EPRS1: variants seen among roughly 807,000 people sequenced by gnomAD.
EPRS1 encodes the protein bifunctional glutamate/proline--tRNA ligase.
Under a neutral mutation model 188.3 loss-of-function variants are expected in EPRS1, and 107 were observed. The observed-to-expected ratio is 0.57, with a 90% CI of 0.49 to 0.67. The LOEUF (loss-of-function observed/expected upper bound fraction) is 0.67, where lower values mean the gene tolerates loss of function less well. Ranked by LOEUF, EPRS1 falls within the 30% of genes least tolerant of loss-of-function variation. EPRS1 has a pLI of 0.00. For synonymous variants in EPRS1, 596 were observed against 593.1 expected, an observed-to-expected ratio of 1.00 and a Z score of -0.07; for missense variants, 1,577 against 1,802.2, an observed-to-expected ratio of 0.88 and a Z score of 2.26.
chr1:219,981,224 T>C (rs907671394), intron 24 of EPRS1, among the ~76,000 whole-genome samples, 154 bp downstream of exon 24: 1 of 151,834 alleles, frequency 6.6e-6, no homozygotes, highest in Non-Finnish European at 1.5e-5. Flanking sequence ...TACCATTTTA[T>C]ATAATAAGTA....
intron 28 of EPRS1, among the ~76,000 whole-genome samples, chr1:219,975,294 A>G (rs940689598): frequency 4.6e-5 from 7 of 152,204 alleles, no homozygotes; most frequent in Non-Finnish European, 1.0e-4. Context: ...GGCAATGGCA[A>G]CGAGAGATTG....
chr1:219,997,498 T>C (rs985531943), intron 17 of EPRS1, among the ~76,000 whole-genome samples, 156 bp from the exon 18 acceptor site: 4 of 152,194 alleles, frequency 2.6e-5, no homozygotes, highest in African/African-American at 9.7e-5. Context: ...ATCTCCTAAG[T>C]ATTTATCCTA....
rs1660868978 is a variant in EPRS1, at chr1:219,980,206, T to C, written c.3590A>G (p.Tyr1197Cys). ...AACAGGAATTGCCAGGAGTTCTTCA[T>C]ATACCTGAGCATATAAGTCAAGTAT... ...LQILDLYAQVYEELLAIPVVK... is the reference protein window; with the variant it reads ...LQILDLYAQVCEELLAIPVVK... Residue 1197 changes from tyrosine (Y) to cysteine (C), a missense_variant, in exon 26 of 32, where the codon TAT (tyrosine) becomes TGT (cysteine). This residue lies in a region of EPRS1 where 1,278 missense variants were observed against 1,457.4 expected (regional missense o/e 0.88). Coordinates refer to ENST00000366923, the MANE Select transcript of EPRS1 (RefSeq NM_004446.3). 3 of 1,613,372 alleles carry C rather than the reference T, an allele frequency of 1.9e-6. No homozygotes were observed. The highest frequency in any genetic ancestry group is 1.1e-5 in the South Asian group (1 of 91,056).
At chr1:219,979,390 G>A (rs754063391) in intron 27 of EPRS1, 28 bp downstream of exon 27, 8 of 1,508,336 alleles carry the variant, frequency 5.3e-6, no homozygotes, top group Middle Eastern at 1.7e-4. Flanking sequence ...TTTATAAAAT[G>A]AGTGATAAAC....
At position 219,979,573 on chromosome 1, in the gene EPRS1, A is replaced by G; in HGVS notation, c.3754T>C (p.Phe1252Leu). The G allele has an allele frequency of 6.2e-7, 1 of 1,614,034 alleles. No homozygotes were observed. The highest frequency in any genetic ancestry group is 8.5e-7 in the Non-Finnish European group (1 of 1,179,930). Residue 1252 changes from phenylalanine to leucine, a missense_variant, in exon 27 of 32, where the codon TTT (phenylalanine) becomes CTT (leucine). Around this residue, in one of 3 missense-constraint regions of EPRS1, gnomAD observed 296 missense variants for 327.9 expected, o/e 0.90. Coordinates refer to ENST00000366923, the MANE Select transcript of EPRS1 (RefSeq NM_004446.3). Reference sequence around the variant, plus strand: ...TTTGGATCTTCAAAAACGATTTCAAACATTTTGGAAAAATTCTGCCCTAAA... The same window carrying G: ...TTTGGATCTTCAAAAACGATTTCAAGCATTTTGGAAAAATTCTGCCCTAAA... ...HHLGQNFSKM[F>L]EIVFEDPKIP... is the part of the protein sequence containing the mutation.
rs71560597 is a variant in EPRS1, at chr1:220,044,681, C to CAAAAAAAAAAAAAA, written c.46+1648_46+1661dup. On this transcript the variant is annotated intron_variant, in intron 1 of 31. Coordinates refer to ENST00000366923, the MANE Select transcript of EPRS1 (RefSeq NM_004446.3). ...CAGAGGTTGCAATGAGCTCGGTCTC[C>CAAAAAAAAAAAAAA]AAAAAAAAAAAAAAAAAAAAAAAAA... Among the ~76,000 whole-genome samples, 30 of 88,332 alleles carry CAAAAAAAAAAAAAA rather than the reference C, an allele frequency of 3.4e-4. 2 individuals carry two copies. Among genetic ancestry groups the CAAAAAAAAAAAAAA allele is most frequent in the African/African-American group, 1.2e-3 (29 of 24,110 alleles). The allele number at this position is 88,332 out of a possible 152,430, so 57.9% of individuals were successfully genotyped here. A position where few individuals can be genotyped will look rare whatever the true frequency, so the allele number is the denominator to read the frequency against.
chr1:219,998,918 CA>C (rs35145633), intron 17 of EPRS1, among the ~76,000 whole-genome samples: 84,845 of 126,414 alleles, frequency 0.67, 27,392 homozygotes, highest in Non-Finnish European at 0.72. Context: ...AGTGTAACAC[CA>C]AAAAAAAAAA....
intron 12 of EPRS1, among the ~76,000 whole-genome samples, chr1:220,013,763 G>C (rs1023873093): frequency 5.3e-4 from 80 of 152,258 alleles, no homozygotes; most frequent in African/African-American, 1.8e-3. Flanking sequence ...AGAGTTGAAG[G>C]GAATGGGTTT....
chr1:220,037,640 A>G (rs1391430213), intron 2 of EPRS1, among the ~76,000 whole-genome samples: 2 of 152,112 alleles, frequency 1.3e-5, no homozygotes, highest in African/African-American at 2.4e-5. Flanking sequence ...AATGTTTTCA[A>G]TTTCCAAAAG....
At chr1:219,991,024 T>C (rs1661111304) in intron 18 of EPRS1, among the ~76,000 whole-genome samples, 2 of 152,036 alleles carry the variant, frequency 1.3e-5, no homozygotes, top group African/African-American at 4.8e-5. Flanking sequence ...ACAAAAGACT[T>C]TGGTAAAGGT....
Position 220,018,493 on chromosome 1 carries a change from C to T in EPRS1, c.1450G>A (p.Val484Ile). The change falls in exon 12 of 32, where the codon GTC becomes ATC. Residue 484 changes from valine to isoleucine, a missense_variant. Coordinates refer to ENST00000366923, the MANE Select transcript of EPRS1 (RefSeq NM_004446.3). Reference protein sequence around the residue: ...FIAAQGSSRSVVNMEWDKIWA... With the variant: ...FIAAQGSSRSIVNMEWDKIWA... ...ATTTTGTCCCACTCCATGTTCACGA[C>T]TGAACGTGAGGAGCCCTAAAAAACA... 6.2e-7 allele frequency: 1 copy of T among 1,610,310 alleles called. No individual in the cohort carries two copies. The highest frequency in any genetic ancestry group is 8.5e-7 in the Non-Finnish European group (1 of 1,178,322).
chr1:220,017,633 T>G (rs528989507), intron 12 of EPRS1, among the ~76,000 whole-genome samples: 2 of 152,228 alleles, frequency 1.3e-5, no homozygotes, highest in East Asian at 3.9e-4. Flanking sequence ...CAAGCAGCAA[T>G]CCCAAATAAG....
At chr1:220,014,549 T>C (rs1661664395) in intron 12 of EPRS1, among the ~76,000 whole-genome samples, 1 of 152,192 alleles carries the variant, frequency 6.6e-6, no homozygotes, top group African/African-American at 2.4e-5. Flanking sequence ...AGTGAATGTA[T>C]GATAGTAGAT....
chr1:220,035,651 A>G (rs1169493238), intron 2 of EPRS1, among the ~76,000 whole-genome samples: 1 of 151,622 alleles, frequency 6.6e-6, no homozygotes, highest in Non-Finnish European at 1.5e-5. Flanking sequence ...TAATATGGTA[A>G]AACCCCGTCT....
chr1:219,973,527 A>ACC, intron 28 of EPRS1, 129 bp from the exon 29 acceptor site: 1 of 415,868 alleles, frequency 2.4e-6, no homozygotes, highest in Non-Finnish European at 3.7e-6. Context: ...CAAAAAAAAC[A>ACC]AGAGAAAAAA....
Position 220,006,204 on chromosome 1 carries a change from G to C in EPRS1, c.1852C>G (p.Pro618Ala). The stretch of plus-strand genomic sequence containing the variant: ...TAAGTGACACAGATTACTGGAATAG[G>C]AAGAGCATGTGTAGTCTCTGCAAGC... ...TWLAETTHAL[P>A]IPVICVTYEH... Residue 618 changes from proline (P) to alanine (A), a missense_variant, in exon 15 of 32, where the codon CCT becomes GCT. By Grantham distance (27) the Pro-to-Ala change is conservative. Transcript: ENST00000366923. The C allele has an allele frequency of 6.2e-7, 1 of 1,606,482 alleles. No individual in the cohort carries two copies. The highest frequency in any genetic ancestry group is 8.5e-7 in the Non-Finnish European group (1 of 1,175,056).
At position 220,007,284 on chromosome 1, in the gene EPRS1, C is replaced by T. The variant is rs1203344019; in HGVS notation, c.1660G>A (p.Gly554Ser). ...TCCGAAAAAGTCTCTGCATCAGCACCTTCAATGAAAACTTTGGGACTATAC... is the reference window on the plus strand; with the variant it reads ...TCCGAAAAAGTCTCTGCATCAGCACTTTCAATGAAAACTTTGGGACTATAC... Reference protein sequence around the residue: ...VWYSPKVFIEGADAETFSEGE... With the variant: ...VWYSPKVFIESADAETFSEGE... The change falls in exon 14 of 32, where the codon GGT becomes AGT. Residue 554 changes from glycine (G) to serine (S), a missense_variant. Around this residue, in one of 3 missense-constraint regions of EPRS1, gnomAD observed 1,278 missense variants for 1,457.4 expected, o/e 0.88. Coordinates refer to ENST00000366923, the MANE Select transcript of EPRS1 (RefSeq NM_004446.3). 4 of 1,613,900 alleles carry T rather than the reference C, an allele frequency of 2.5e-6. No individual in the cohort carries two copies. Among genetic ancestry groups the T allele is most frequent in the Non-Finnish European group, 3.4e-6 (4 of 1,179,820 alleles).
intron 18 of EPRS1, among the ~76,000 whole-genome samples, chr1:219,992,087 A>T (rs971105381): frequency 6.6e-6 from 1 of 152,160 alleles, no homozygotes; most frequent in Non-Finnish European, 1.5e-5. Context: ...TTGGCCTGAG[A>T]CATCTTAAAG....
intron 1 of EPRS1, among the ~76,000 whole-genome samples, chr1:220,044,702 A>C (rs914212629): frequency 7.0e-6 from 1 of 143,740 alleles, no homozygotes; most frequent in Non-Finnish European, 1.5e-5. Flanking sequence ...AAAAAAAAAA[A>C]AAAAAAAAAA....
Sources: allele counts gnomAD v4.1 joint callset (sites outside exome capture counted in the v4.1 genomes callset), GRCh38; gene constraint gnomAD v4.1.1; regional missense constraint gnomAD v4.1.1; transcripts MANE v1.5; gene names NCBI Gene and HGNC (gene_info 2026-07-23, HGNC 2026-07-21).